GYS2: variants seen among roughly 807,000 people sequenced by gnomAD.
The protein encoded by GYS2 is glycogen [starch] synthase, liver.
Under a neutral mutation model 85.6 loss-of-function variants are expected in GYS2, and 80 were observed. The observed-to-expected ratio is 0.93, with a 90% CI of 0.78 to 1.13. The LOEUF is 1.13. Ranked by LOEUF, GYS2 falls within the 50% of genes most tolerant of loss-of-function variation. The pLI is 0.00. For synonymous variants in GYS2, 328 were observed against 300.7 expected, an observed-to-expected ratio of 1.09 and a Z score of -0.94; for missense variants, 881 against 854.9, an observed-to-expected ratio of 1.03 and a Z score of -0.38.
chr12:21,579,182 G>T (rs1450845429), intron 2 of GYS2, among the ~76,000 whole-genome samples: 1 of 151,942 alleles, frequency 6.6e-6, no homozygotes, highest in Non-Finnish European at 1.5e-5. Context: ...TTGACATCAC[G>T]ATTCCTGTTG....
chr12:21,586,902 C>T (rs962735687), intron 1 of GYS2, among the ~76,000 whole-genome samples: 1 of 151,948 alleles, frequency 6.6e-6, no homozygotes, highest in Non-Finnish European at 1.5e-5. Context: ...TTCCCAATAG[C>T]AAAGATATGG....
intron 1 of GYS2, among the ~76,000 whole-genome samples, chr12:21,583,655 T>C (rs975300037): frequency 1.3e-5 from 2 of 152,210 alleles, no homozygotes; most frequent in South Asian, 4.1e-4. Context: ...TGCCATCTTC[T>C]GCAGATAACT....
chr12:21,546,393 A>G lies in GYS2; in HGVS notation c.1500T>C (p.Cys500=). 6.3e-7 allele frequency: 1 copy of G among 1,597,898 alleles called. No homozygotes were observed. The highest frequency in any genetic ancestry group is 8.6e-7 in the Non-Finnish European group (1 of 1,165,690). The change falls in exon 12 of 16, where the codon TGT becomes TGC. Residue 500 remains cysteine, a synonymous_variant. Coordinates refer to ENST00000261195, the MANE Select transcript of GYS2 (RefSeq NM_021957.4). ...PMDYEEFVRG[C]HLGVFPSYYE... is the part of the protein sequence containing the mutation. Reference sequence around the variant, plus strand: ...AGTATGATGGAAATACTCCAAGATGACAACCTCTAACAAACTCTTCATAGT... The same window carrying G: ...AGTATGATGGAAATACTCCAAGATGGCAACCTCTAACAAACTCTTCATAGT...
chr12:21,601,330 GA>G (rs1944754357), intron 1 of GYS2, among the ~76,000 whole-genome samples: 1 of 152,056 alleles, frequency 6.6e-6, no homozygotes, highest in Non-Finnish European at 1.5e-5. Flanking sequence ...ACTGTGGATA[GA>G]ATTTCAGTGA....
chr12:21,539,354 C>A lies in GYS2; in HGVS notation c.1810-16G>T. On this transcript the variant is annotated splice_polypyrimidine_tract_variant and intron_variant, in intron 14 of 15. Coordinates refer to ENST00000261195, the MANE Select transcript of GYS2 (RefSeq NM_021957.4). ...GCTGGTAATACTATTGATAGAAAGC[C>A]AAATCACAGGTTAATAAAAACCCTT... 1.4e-6 allele frequency: 2 copies of A among 1,452,706 alleles called. No homozygotes were observed. The highest frequency in any genetic ancestry group is 2.8e-5 in the African/African-American group (2 of 71,850). 90.0% of individuals were successfully genotyped at this position (1,452,706 alleles called of 1,614,324 possible). A position where few individuals can be genotyped will look rare whatever the true frequency, so the allele number is the denominator to read the frequency against.
chr12:21,552,860 C>G (rs1944129970), intron 11 of GYS2, among the ~76,000 whole-genome samples: 1 of 152,108 alleles, frequency 6.6e-6, no homozygotes, highest in South Asian at 2.1e-4. Flanking sequence ...CACGTCATCT[C>G]TTTTATAAAA....
At chr12:21,602,823 G>A (rs1944769153) in intron 1 of GYS2, among the ~76,000 whole-genome samples, 1 of 152,028 alleles carries the variant, frequency 6.6e-6, no homozygotes, top group Non-Finnish European at 1.5e-5. Flanking sequence ...CAGTGCCCAG[G>A]TAACAGTGCT....
intron 1 of GYS2, among the ~76,000 whole-genome samples, chr12:21,587,696 C>T (rs927717161): frequency 3.9e-5 from 6 of 151,974 alleles, no homozygotes; most frequent in Non-Finnish European, 5.9e-5. Flanking sequence ...CGAACTAGTA[C>T]ATACCTTCTA....
chr12:21,533,894 G>A (rs1943886959), downstream of GYS2, among the ~76,000 whole-genome samples: 1 of 152,170 alleles, frequency 6.6e-6, no homozygotes, highest in African/African-American at 2.4e-5. Flanking sequence ...GTGTCTGGTA[G>A]AAGGCCCATT....
intron 2 of GYS2, among the ~76,000 whole-genome samples, chr12:21,576,684 G>A (rs942618291): frequency 9.9e-5 from 15 of 152,046 alleles, no homozygotes; most frequent in East Asian, 9.7e-4. Flanking sequence ...TCAAATTGAC[G>A]TTGATTCCTA....
rs138249231 is a variant in GYS2 at position 21,600,529 on chromosome 12, C to T, written c.121+3943G>A. Among the ~76,000 whole-genome samples the T allele has an allele frequency of 2.5e-3, 375 of 152,106 alleles. 1 individual carries two copies. The highest frequency in any genetic ancestry group is 6.5e-3 in the Admixed American group (99 of 15,260). On this transcript the variant is annotated intron_variant, in intron 1 of 15. Coordinates refer to ENST00000261195, the MANE Select transcript of GYS2 (RefSeq NM_021957.4). Reference sequence around the variant, plus strand: ...CGTTAGGTCTCGGGAAGGATGGGATCCTTTTCATTTTGCTCTAGAGAAAAG... The same window carrying T: ...CGTTAGGTCTCGGGAAGGATGGGATTCTTTTCATTTTGCTCTAGAGAAAAG...
chr12:21,566,694 A>G (rs986752876), intron 5 of GYS2, among the ~76,000 whole-genome samples: 4 of 152,192 alleles, frequency 2.6e-5, no homozygotes, highest in Non-Finnish European at 5.9e-5. Flanking sequence ...GAATCATTGC[A>G]ATGATTCTAG....
intron 3 of GYS2, among the ~76,000 whole-genome samples, chr12:21,575,605 G>C (rs987397695): frequency 2.6e-5 from 4 of 151,834 alleles, no homozygotes; most frequent in Non-Finnish European, 5.9e-5. Flanking sequence ...ATCTATATAT[G>C]GGGCAATATA....
chr12:21,598,532 T>C (rs1383899354), intron 1 of GYS2, among the ~76,000 whole-genome samples: 2 of 152,100 alleles, frequency 1.3e-5, no homozygotes, highest in South Asian at 2.1e-4. Context: ...TAGCACACTT[T>C]GTGCTATAGT....
intron 5 of GYS2, among the ~76,000 whole-genome samples, chr12:21,566,365 A>G (rs1290843222): frequency 1.7e-4 from 25 of 150,334 alleles, no homozygotes. Flanking sequence ...TTTTTTTTTC[A>G]GAATGCTCTT....
intron 1 of GYS2, among the ~76,000 whole-genome samples, chr12:21,589,175 C>T (rs940852118): frequency 3.3e-5 from 5 of 152,238 alleles, no homozygotes; most frequent in East Asian, 1.9e-4. Flanking sequence ...TGTTAGATTA[C>T]GTATTTCAAA....
chr12:21,599,595 T>A (rs926175083), intron 1 of GYS2, among the ~76,000 whole-genome samples: 1 of 152,198 alleles, frequency 6.6e-6, no homozygotes, highest in Non-Finnish European at 1.5e-5. Flanking sequence ...AGTTTTTACA[T>A]AGATCGTGTG....
intron 1 of GYS2, among the ~76,000 whole-genome samples, chr12:21,591,211 A>G (rs1272783169): frequency 2.0e-5 from 3 of 152,176 alleles, no homozygotes; most frequent in Admixed American, 1.3e-4. Context: ...TCAGTGAGAC[A>G]CAAGAGAACT....
At chr12:21,604,397 T>C (rs147845352) in intron 1 of GYS2, 75 bp downstream of exon 1, 46 of 888,424 alleles carry the variant, frequency 5.2e-5, no homozygotes, top group Admixed American at 1.0e-4. Flanking sequence ...TAGAGAGTTA[T>C]CTGTGAAATC....
Sources: gnomAD v4.1 joint callset for allele counts (sites outside exome capture counted in the v4.1 genomes callset) on GRCh38, gnomAD v4.1.1 for gene constraint, MANE v1.5 for transcripts, NCBI Gene and HGNC (gene_info 2026-07-23, HGNC 2026-07-21) for gene names.